The following FSCN3 variants were observed in gnomAD, a reference collection of about 807,000 sequenced individuals.
FSCN3 encodes the protein fascin-3.
In FSCN3, 43 loss-of-function variants were observed where a neutral mutation model predicts 53.5. That is an observed-to-expected ratio of 0.80 (90% CI 0.63 to 1.04). The LOEUF (loss-of-function observed/expected upper bound fraction) is 1.04, where lower values mean the gene tolerates loss of function less well. FSCN3 is among the 50% of genes least tolerant of loss of function. The pLI, the probability that FSCN3 is intolerant of heterozygous loss-of-function variation, is 0.00. For missense variants in FSCN3, 594 were observed against 646.5 expected, an observed-to-expected ratio of 0.92 and a Z score of 0.88; for synonymous variants, 235 against 246.6, an observed-to-expected ratio of 0.95 and a Z score of 0.44.
chr7:127,593,915 T>C lies in FSCN3; in HGVS notation c.62T>C (p.Ile21Thr). 1 of 1,603,462 alleles carries C rather than the reference T, an allele frequency of 6.2e-7. No individual in the cohort carries two copies. Among genetic ancestry groups the C allele is most frequent in the Non-Finnish European group, 8.5e-7 (1 of 1,174,884 alleles). Residue 21 changes from isoleucine (I) to threonine (T), a missense_variant, in exon 1 of 7, where the codon ATC (isoleucine) becomes ACC (threonine). Ile to Thr is a moderately conservative substitution (Grantham distance 89, BLOSUM62 -1). Coordinates refer to ENST00000265825, the MANE Select transcript of FSCN3 (RefSeq NM_020369.3). ...GCTGAGGACCTAAGGGTTGGGCTCA[T>C]CAGCTGGGCAGGAACCTACCTCACC... ...PKAEDLRVGLISWAGTYLTFE... is the reference protein window; with the variant it reads ...PKAEDLRVGLTSWAGTYLTFE...
Position 127,593,850 on chromosome 7 carries a change from C to T in FSCN3, c.-4C>T. The T allele has an allele frequency of 6.4e-7, 1 of 1,562,218 alleles. No homozygotes were observed. The highest frequency in any genetic ancestry group is 8.7e-7 in the Non-Finnish European group (1 of 1,152,928). ...ACGGAGACATCACCTGTGGTGTCAG[C>T]CCCATGGATGAGACAGAGTGGATAC... On this transcript the variant is annotated 5_prime_UTR_variant, in exon 1 of 7. Coordinates refer to ENST00000265825, the MANE Select transcript of FSCN3 (RefSeq NM_020369.3).
At chr7:127,594,732 A>G in intron 1 of FSCN3, 1 of 471,214 alleles carries the variant, frequency 2.1e-6, no homozygotes. Context: ...CACCTCTGGG[A>G]TGGGTGCCAG....
chr7:127,594,996 G>A (rs1794362157), intron 1 of FSCN3: 1 of 503,096 alleles, frequency 2.0e-6, no homozygotes, highest in Non-Finnish European at 3.7e-6. Context: ...TAAAAATTAG[G>A]TATTGAAGAG....
chr7:127,596,041 G>A (rs1267266235), intron 2 of FSCN3, 38 bp downstream of exon 2: 2 of 1,512,448 alleles, frequency 1.3e-6, no homozygotes, highest in Admixed American at 2.3e-5. Flanking sequence ...GGGAGAGAGG[G>A]CTGGCTGTTA....
At chr7:127,595,021 G>A in intron 1 of FSCN3, 2 of 549,878 alleles carry the variant, frequency 3.6e-6, no homozygotes, top group Non-Finnish European at 3.3e-6. Context: ...ATTAAGAAAG[G>A]AGGGAGGGTT....
rs898844834 is a variant in FSCN3 at position 127,593,804 on chromosome 7, C to T, written c.-50C>T. On this transcript the variant is annotated 5_prime_UTR_variant, in exon 1 of 7. In the 5' UTR this introduces an upstream ATG that the reference lacks. Transcript: ENST00000265825. ...CCCTATGGCCTGTGGAACCTCACCA[C>T]GGGGGGGAGGGCTGGGCCAGACGGA... 9 of 1,544,812 alleles carry T rather than the reference C, an allele frequency of 5.8e-6. No individual in the cohort carries two copies. Among genetic ancestry groups the T allele is most frequent in the Non-Finnish European group, 6.1e-6 (7 of 1,142,392 alleles).
Position 127,596,491 on chromosome 7 carries a change from C to T in FSCN3, c.960+45C>T, listed in dbSNP as rs192751185. On this transcript the variant is annotated intron_variant, in intron 3 of 6. Coordinates refer to ENST00000265825, the MANE Select transcript of FSCN3 (RefSeq NM_020369.3). ...AGCAAGAGAAACCTTAAGCTCTGAGCTCTCCCTCCCTAGACTTCCTTCTCC... is the reference window on the plus strand; with the variant it reads ...AGCAAGAGAAACCTTAAGCTCTGAGTTCTCCCTCCCTAGACTTCCTTCTCC... 1,369 of 865,420 alleles carry T rather than the reference C, an allele frequency of 1.6e-3. 2 individuals carry two copies. Among genetic ancestry groups the T allele is most frequent in the Non-Finnish European group, 2.2e-3 (1,127 of 516,444 alleles). The allele number at this position is 865,420 out of a possible 1,614,324, so 53.6% of individuals were successfully genotyped here.
chr7:127,595,237 A>C (rs1274819386), intron 1 of FSCN3, 70 bp from the exon 2 acceptor site: 1 of 1,378,726 alleles, frequency 7.3e-7, no homozygotes, highest in African/African-American at 1.4e-5. Flanking sequence ...CAGCCATGAC[A>C]GTTGCAGGGC....
At chr7:127,601,452 T>C (rs1794474941) in intron 6 of FSCN3, among the ~76,000 whole-genome samples, 171 bp from the exon 7 acceptor site, 1 of 152,248 alleles carries the variant, frequency 6.6e-6, no homozygotes, top group African/African-American at 2.4e-5. Flanking sequence ...CTATTAAGCT[T>C]CTTCCTTTAA....
In FSCN3 at chr7:127,598,439, G is replaced by T. The variant is rs769542965; in HGVS notation, c.965G>T (p.Arg322Leu). 2 of 1,613,404 alleles carry T rather than the reference G, an allele frequency of 1.2e-6. No individual in the cohort carries two copies. Among genetic ancestry groups the T allele is most frequent in the Non-Finnish European group, 8.5e-7 (1 of 1,179,556 alleles). Residue 322 changes from arginine (R) to leucine (L), a missense_variant, in exon 4 of 7, where the codon CGC (arginine) becomes CTC (leucine). Coordinates refer to ENST00000265825, the MANE Select transcript of FSCN3 (RefSeq NM_020369.3). ...SANGYYLSQRRHRAVMADGHP... is the reference protein window; with the variant it reads ...SANGYYLSQRLHRAVMADGHP... ...TGTTTCTGACATTCTTTCCAGAGGC[G>T]CCACAGGGCAGTAATGGCTGATGGG...
intron 1 of FSCN3, 63 bp downstream of exon 1, chr7:127,594,060 G>C (rs959094501): frequency 1.4e-5 from 22 of 1,550,994 alleles, no homozygotes; most frequent in Non-Finnish European, 1.9e-5. Flanking sequence ...GTGTGTGTGT[G>C]CGCGCGCGCG....
At chr7:127,596,603 T>TA (rs796842579) in intron 3 of FSCN3, 157 bp downstream of exon 3, 31,437 of 307,974 alleles carry the variant, frequency 0.1, 131 homozygotes, top group East Asian at 0.12. Flanking sequence ...GGGGCTCCTT[T>TA]AAAAAAAAAA....
At chr7:127,594,635 CT>C (rs1439619036) in intron 1 of FSCN3, 1 of 470,976 alleles carries the variant, frequency 2.1e-6, no homozygotes, top group Admixed American at 2.3e-5. Context: ...ATTGCAAAGC[CT>C]ATGTTTCTGT....
In FSCN3 at chr7:127,600,400, G is replaced by C; in HGVS notation, c.*1G>C. The C allele has an allele frequency of 6.4e-7, 1 of 1,569,546 alleles. No individual in the cohort carries two copies. The highest frequency in any genetic ancestry group is 8.8e-7 in the Non-Finnish European group (1 of 1,139,510). Reference sequence around the variant, plus strand: ...CAGAGAGTGTATCTGGGAATTTTAGGTAAGGGAGAGGAACAGGTAAGGGGC... The same window carrying C: ...CAGAGAGTGTATCTGGGAATTTTAGCTAAGGGAGAGGAACAGGTAAGGGGC... On this transcript the variant is annotated splice_donor_variant, in intron 6 of 6. Transcript: ENST00000265825. LOFTEE classifies it low-confidence loss of function (3UTR_SPLICE).
At chr7:127,595,207 T>G (rs1750846615) in intron 1 of FSCN3, 100 bp from the exon 2 acceptor site, 1 of 995,502 alleles carries the variant, frequency 1.0e-6, no homozygotes, top group Admixed American at 2.5e-5. Context: ...CTGGTGCTGA[T>G]GAAGGTGCCA....
In FSCN3 at chr7:127,595,478, AC is replaced by A. The variant is rs761547039; in HGVS notation, c.319del (p.Leu107SerfsTer4). On this transcript the variant is annotated frameshift_variant, in exon 2 of 7. Transcript: ENST00000265825. LOFTEE classifies it high-confidence loss of function. Reference sequence around the variant, plus strand: ...GCGTTTCCACCGGAACAGCAAGTGGACCCTCCAGTGCCTAATCTCTGGTCGT... The same window carrying A: ...GCGTTTCCACCGGAACAGCAAGTGGACCTCCAGTGCCTAATCTCTGGTCGT... Reference protein sequence around the residue: ...LLRFHRNSKWTLQCLISGRYL... With the variant: ...LLRFHRNSKWXLQCLISGRYL... 60 of 1,613,724 alleles carry A rather than the reference AC, an allele frequency of 3.7e-5. No homozygotes were observed. Among genetic ancestry groups the A allele is most frequent in the Non-Finnish European group, 4.8e-5 (57 of 1,179,958 alleles).
chr7:127,598,635 G>A (rs1311896730), intron 4 of FSCN3, 41 bp downstream of exon 4: 2 of 1,536,532 alleles, frequency 1.3e-6, no homozygotes, highest in South Asian at 1.2e-5. Flanking sequence ...TCCAAGTCAG[G>A]GAGAACTTTA....
rs1472233507 is a variant in FSCN3, at chr7:127,596,424, C to T, written c.938C>T (p.Ala313Val). ...SESPTVQLRSANGYYLSQRRH... is the reference protein window; with the variant it reads ...SESPTVQLRSVNGYYLSQRRH... ...AGCCCCACTGTGCAGCTTCGTTCAG[C>T]CAATGGCTACTACCTATCCCAGGTG... is the stretch of plus-strand genomic sequence containing the variant. Residue 313 changes from alanine (A) to valine (V), a missense_variant, in exon 3 of 7, where the codon GCC becomes GTC. By Grantham distance (64) the Ala-to-Val change is moderately conservative. Transcript: ENST00000265825. The T allele has an allele frequency of 1.3e-6, 2 of 1,570,090 alleles. No individual in the cohort carries two copies. The highest frequency in any genetic ancestry group is 1.8e-6 in the Non-Finnish European group (2 of 1,139,934).
At chr7:127,599,789 C>G (rs1794444841) in intron 5 of FSCN3, among the ~76,000 whole-genome samples, 2 of 151,842 alleles carry the variant, frequency 1.3e-5, no homozygotes, top group African/African-American at 4.8e-5. Flanking sequence ...ACTAAAAATA[C>G]AAAAAATTAG....
Sources: gnomAD v4.1 joint callset for allele counts (sites outside exome capture counted in the v4.1 genomes callset) on GRCh38, gnomAD v4.1.1 for gene constraint, MANE v1.5 for transcripts, NCBI Gene and HGNC (gene_info 2026-07-23, HGNC 2026-07-21) for gene names.